The following RBFOX1 variants were observed in gnomAD, a reference collection of about 807,000 sequenced individuals.
The protein encoded by RBFOX1 is RNA binding fox-1 homolog 1, also known as RNA binding protein fox-1 homolog 1.
A neutral mutation model predicts 57.7 loss-of-function variants in RBFOX1; 8 were observed. That is an observed-to-expected ratio of 0.14 (90% CI 0.08 to 0.25). The LOEUF (loss-of-function observed/expected upper bound fraction) is 0.25, where lower values mean the gene tolerates loss of function less well. Among genes scored for constraint, RBFOX1 ranks in the 10% least tolerant of loss-of-function variants. RBFOX1 has a pLI of 1.00. For synonymous variants in RBFOX1, 326 were observed against 222.4 expected (o/e 1.47, Z -4.15); for missense variants, 611 against 548.5 (o/e 1.11, Z -1.14).
chr16:6,272,299 G>A lies in RBFOX1; in HGVS notation c.-126-44696G>A, dbSNP rs192509779. Among the ~76,000 whole-genome samples the A allele has an allele frequency of 6.6e-4, 101 of 152,216 alleles. 1 individual carries two copies. The highest frequency in any genetic ancestry group is 2.4e-3 in the African/African-American group (100 of 41,550). On this transcript the variant is annotated intron_variant, in intron 1 of 15. Transcript: ENST00000550418. Reference sequence around the variant, plus strand: ...AACAGGAATAAAGAGAATTGAATTTGTTAAAGAACACCTACCAAACACCTA... The same window carrying A: ...AACAGGAATAAAGAGAATTGAATTTATTAAAGAACACCTACCAAACACCTA...
chr16:6,035,173 C>T (rs980659529), intron 1 of RBFOX1, among the ~76,000 whole-genome samples: 6 of 152,168 alleles, frequency 3.9e-5, no homozygotes, highest in Non-Finnish European at 8.8e-5. Context: ...GCCAAACGTC[C>T]CTGGGGTAGA....
chr16:7,368,462 A>G (rs1195683278), intron 4 of RBFOX1, among the ~76,000 whole-genome samples: 2 of 151,788 alleles, frequency 1.3e-5, no homozygotes, highest in Non-Finnish European at 1.5e-5. Flanking sequence ...GTCTCGAAAC[A>G]CCCTTAGTCT....
At position 7,111,953 on chromosome 16, in the gene RBFOX1, C is replaced by G. The variant is rs866082355; in HGVS notation, c.27+59855C>G. ...ACAATTGATAAGCTGACTTGTCACC[C>G]TGAATTATTGGAGGCTTAACCCTTG... On this transcript the variant is annotated intron_variant, in intron 4 of 15. Transcript: ENST00000550418. Among the ~76,000 whole-genome samples the G allele has an allele frequency of 3.3e-5, 5 of 152,068 alleles. No homozygotes were observed. In the South Asian group the frequency reaches 8.3e-4, roughly 25 times the overall value.
At chr16:5,945,024 T>G (rs1838641030) in intron 4 of RBFOX1, among the ~76,000 whole-genome samples, 2 of 141,190 alleles carry the variant, frequency 1.4e-5, no homozygotes, top group Admixed American at 7.2e-5. Flanking sequence ...AGAAAACCAT[T>G]CTCACCTCCC....
intron 2 of RBFOX1, among the ~76,000 whole-genome samples, chr16:5,511,292 C>G (rs2043581626): frequency 6.6e-6 from 1 of 152,176 alleles, no homozygotes; most frequent in Non-Finnish European, 1.5e-5. Context: ...GAGGTCTTTT[C>G]AAAAGCTAAG....
At chr16:5,690,359 T>A (rs945009278) in intron 3 of RBFOX1, among the ~76,000 whole-genome samples, 2 of 152,160 alleles carry the variant, frequency 1.3e-5, no homozygotes, top group African/African-American at 4.8e-5. Context: ...AGTGATGACC[T>A]TGAGAAGGAT....
At chr16:6,917,188 G>A (rs769295542) in intron 3 of RBFOX1, among the ~76,000 whole-genome samples, 60 of 152,098 alleles carry the variant, frequency 3.9e-4, no homozygotes, top group Non-Finnish European at 7.6e-4. Context: ...CTGAGTTTCT[G>A]TTCTTAATTT....
At chr16:7,569,225 A>C (rs1272803734) in intron 5 of RBFOX1, among the ~76,000 whole-genome samples, 1 of 152,164 alleles carries the variant, frequency 6.6e-6, no homozygotes, top group Non-Finnish European at 1.5e-5. Context: ...TAACTTCCAC[A>C]ACACAAGTAT....
intron 4 of RBFOX1, among the ~76,000 whole-genome samples, chr16:5,870,890 C>A (rs2057453398): frequency 6.6e-6 from 1 of 151,678 alleles, no homozygotes; most frequent in Non-Finnish European, 1.5e-5. Flanking sequence ...CAAGTAGAGA[C>A]AAACAGTTGT....
At chr16:5,710,357 G>A (rs2151505458) in intron 3 of RBFOX1, among the ~76,000 whole-genome samples, 1 of 152,282 alleles carries the variant, frequency 6.6e-6, no homozygotes, top group South Asian at 2.1e-4. Flanking sequence ...AGGGATGGCT[G>A]CCTTCTCCTG....
intron 3 of RBFOX1, among the ~76,000 whole-genome samples, chr16:6,695,551 C>G (rs1308633458): frequency 6.6e-6 from 1 of 151,858 alleles, no homozygotes; most frequent in Non-Finnish European, 1.5e-5. Context: ...GGCCGACGCG[C>G]CTATTATGAA....
At chr16:7,550,335 T>G (rs1425634471) in intron 5 of RBFOX1, among the ~76,000 whole-genome samples, 3 of 151,980 alleles carry the variant, frequency 2.0e-5, no homozygotes, top group African/African-American at 7.3e-5. Flanking sequence ...CCGTGAAGGT[T>G]AATTTGGCAA....
chr16:7,710,002 G>C, intron 15 of RBFOX1: 1 of 1,008,086 alleles, frequency 9.9e-7, no homozygotes, highest in Non-Finnish European at 1.2e-6. Flanking sequence ...AAATCGTTAA[G>C]TGCCACCTTG....
chr16:6,481,495 C>T (rs1338501679), intron 2 of RBFOX1, among the ~76,000 whole-genome samples: 1 of 152,230 alleles, frequency 6.6e-6, no homozygotes, highest in Non-Finnish European at 1.5e-5. Context: ...TGCGTCCCTT[C>T]CTATAACCTT....
At chr16:5,935,800 T>A (rs531777373) in intron 4 of RBFOX1, among the ~76,000 whole-genome samples, 38 of 152,346 alleles carry the variant, frequency 2.5e-4, no homozygotes, top group African/African-American at 9.1e-4. Flanking sequence ...CCACATCCAA[T>A]GGCTAGTTTA....
At chr16:5,965,478 C>T (rs1429481717) in intron 4 of RBFOX1, among the ~76,000 whole-genome samples, 1 of 152,108 alleles carries the variant, frequency 6.6e-6, no homozygotes, top group Non-Finnish European at 1.5e-5. Context: ...ACCAATCAAG[C>T]TGTAAGTGGC....
At chr16:7,273,258 C>CTTCCTTCCTTCCTTCCTTCT (rs1302306727) in intron 4 of RBFOX1, among the ~76,000 whole-genome samples, 11 of 136,590 alleles carry the variant, frequency 8.1e-5, no homozygotes, top group Admixed American at 2.3e-4. Context: ...TCCTTCCTTC[C>CTTCCTTCCTTCCTTCCTTCT]TTCCTCCCTT....
chr16:7,469,748 A>G (rs528806025), intron 4 of RBFOX1, among the ~76,000 whole-genome samples: 1 of 152,236 alleles, frequency 6.6e-6, no homozygotes, highest in Non-Finnish European at 1.5e-5. Context: ...CATTAAGTAT[A>G]TTTATATTGT....
At chr16:6,932,091 G>A (rs1194467062) in intron 3 of RBFOX1, among the ~76,000 whole-genome samples, 1 of 152,034 alleles carries the variant, frequency 6.6e-6, no homozygotes, top group East Asian at 1.9e-4. Flanking sequence ...GGTTTTTGTT[G>A]TTGTTGTTTT....
Sources: allele counts gnomAD v4.1 joint callset (sites outside exome capture counted in the v4.1 genomes callset), GRCh38; gene constraint gnomAD v4.1.1; transcripts MANE v1.5; gene names NCBI Gene and HGNC (gene_info 2026-07-23, HGNC 2026-07-21).